The following ITPR1 variants were observed in gnomAD, a reference collection of about 807,000 sequenced individuals.
ITPR1 encodes the protein inositol 1,4,5-trisphosphate receptor type 1.
ITPR1 carries 96 observed loss-of-function variants against 318.4 expected under a neutral mutation model. That is an observed-to-expected ratio of 0.30 (90% CI 0.26 to 0.36). The LOEUF (loss-of-function observed/expected upper bound fraction) is 0.36, where lower values mean the gene tolerates loss of function less well. Among genes scored for constraint, ITPR1 ranks in the 10% least tolerant of loss-of-function variants. The pLI is 1.00. For missense variants in ITPR1, 2,440 were observed against 3,460.2 expected, an observed-to-expected ratio of 0.71 and a Z score of 7.40; for synonymous variants, 1,312 against 1,289.9, an observed-to-expected ratio of 1.02 and a Z score of -0.37.
At chr3:4,791,727 G>C (rs1056965310) in intron 52 of ITPR1, among the ~76,000 whole-genome samples, 30 of 152,194 alleles carry the variant, frequency 2.0e-4, no homozygotes, top group Non-Finnish European at 1.6e-4. Flanking sequence ...GCAATACCAA[G>C]CTGTTTGTGA....
chr3:4,833,091 C>G (rs1559977969), intron 60 of ITPR1, among the ~76,000 whole-genome samples: 1 of 152,208 alleles, frequency 6.6e-6, no homozygotes, highest in Non-Finnish European at 1.5e-5. Context: ...CCTCAGCGCT[C>G]AACCCCATGC....
chr3:4,766,787 A>G, intron 45 of ITPR1, 77 bp downstream of exon 45: 4 of 1,196,686 alleles, frequency 3.3e-6, no homozygotes, highest in Non-Finnish European at 4.6e-6. Flanking sequence ...TGTTTTCATT[A>G]CTTCTGTGCT....
intron 21 of ITPR1, among the ~76,000 whole-genome samples, 167 bp from the exon 22 acceptor site, chr3:4,674,035 C>T (rs987665351): frequency 1.3e-5 from 2 of 152,052 alleles, no homozygotes; most frequent in Non-Finnish European, 2.9e-5. Context: ...GCAAGATAAA[C>T]GACTCAAATA....
intron 37 of ITPR1, among the ~76,000 whole-genome samples, chr3:4,707,094 A>G (rs2094774151): frequency 6.6e-6 from 1 of 152,212 alleles, no homozygotes; most frequent in South Asian, 2.1e-4. Flanking sequence ...TGGGAAAGTT[A>G]CTTGACTTCT....
chr3:4,706,145 G>A (rs377674435), intron 36 of ITPR1, 22 bp from the exon 37 acceptor site: 39 of 1,613,666 alleles, frequency 2.4e-5, no homozygotes, highest in Non-Finnish European at 3.1e-5. Flanking sequence ...GTAGGCTCAC[G>A]ACTCATCTTT....
intron 4 of ITPR1, among the ~76,000 whole-genome samples, chr3:4,559,195 G>T (rs1194427602): frequency 6.6e-6 from 1 of 151,410 alleles, no homozygotes; most frequent in Admixed American, 6.6e-5. Context: ...ATACATTCAA[G>T]TCAGGTTCCA....
chr3:4,733,751 T>C (rs187111914), intron 43 of ITPR1, among the ~76,000 whole-genome samples: 1 of 152,314 alleles, frequency 6.6e-6, no homozygotes, highest in East Asian at 1.9e-4. Flanking sequence ...AATTTCAGCC[T>C]GGTATATCTA....
At chr3:4,804,821 G>A (rs907377436) in intron 54 of ITPR1, among the ~76,000 whole-genome samples, 6 of 152,138 alleles carry the variant, frequency 3.9e-5, no homozygotes, top group African/African-American at 9.7e-5. Context: ...TGTGGGTGTC[G>A]GCTTCCTCGC....
At chr3:4,831,361 G>C (rs987928031) in intron 60 of ITPR1, 1 of 254,734 alleles carries the variant, frequency 3.9e-6, no homozygotes, top group Admixed American at 4.6e-5. Context: ...CTCCGAGAGA[G>C]GAAGCACTTG....
chr3:4,498,831 G>A (rs566009462), intron 2 of ITPR1, among the ~76,000 whole-genome samples: 11 of 152,298 alleles, frequency 7.2e-5, no homozygotes, highest in South Asian at 2.1e-4. Context: ...GCCACCCTGC[G>A]TTGTATCCAG....
At chr3:4,845,436 A>G (rs182436674) in intron 61 of ITPR1, among the ~76,000 whole-genome samples, 233 of 152,316 alleles carry the variant, frequency 1.5e-3, no homozygotes, top group African/African-American at 5.3e-3. Flanking sequence ...CAGCAACCAA[A>G]TGAATAGAAT....
In ITPR1 at chr3:4,544,424, G is replaced by T. The variant is rs114356940; in HGVS notation, c.163+23330G>T. Among the ~76,000 whole-genome samples the T allele has an allele frequency of 6.2e-3, 952 of 152,322 alleles. 10 individuals are homozygous for T. The highest frequency in any genetic ancestry group is 0.041 in the Middle Eastern group (12 of 294). On this transcript the variant is annotated intron_variant, in intron 4 of 61. Transcript: ENST00000649015. ...CTCAAATGGATGCAAGCAACCATAC[G>T]TATTCACCTGATGCCAGTATTCACC... is the stretch of plus-strand genomic sequence containing the variant.
chr3:4,728,034 G>GA (rs201882391), intron 42 of ITPR1, among the ~76,000 whole-genome samples: 2,303 of 152,286 alleles, frequency 0.015, 18 homozygotes, highest in Middle Eastern at 0.065. Context: ...CATTTGTTTT[G>GA]AAAATCTTTG....
chr3:4,757,766 G>A (rs11712971), intron 44 of ITPR1, among the ~76,000 whole-genome samples: 21,759 of 152,242 alleles, frequency 0.14, 2,039 homozygotes, highest in Non-Finnish European at 0.2. Context: ...AATCGGAAAC[G>A]TTCAGTTGCC....
In ITPR1 at chr3:4,510,357, A is replaced by G. The variant is rs541064939; in HGVS notation, c.-16-6119A>G. Among the ~76,000 whole-genome samples, 4 of 152,336 alleles carry G rather than the reference A, an allele frequency of 2.6e-5. No individual in the cohort carries two copies. The Middle Eastern group carries it at 0.01, about 389-fold the overall frequency. On this transcript the variant is annotated intron_variant, in intron 2 of 61. Coordinates refer to ENST00000649015, the MANE Select transcript of ITPR1 (RefSeq NM_001378452.1). The stretch of plus-strand genomic sequence containing the variant: ...TGATATGGTCTGATTTATGTTTCTA[A>G]AATATCATGCTGGATGTTGTATGCC...
chr3:4,784,128 G>A (rs2047010902), intron 51 of ITPR1, among the ~76,000 whole-genome samples: 1 of 152,124 alleles, frequency 6.6e-6, no homozygotes, highest in Non-Finnish European at 1.5e-5. Flanking sequence ...AGGACACTGA[G>A]CAACCTCTCA....
intron 4 of ITPR1, among the ~76,000 whole-genome samples, chr3:4,590,255 CTCTTTAT>C (rs1418058888): frequency 7.4e-6 from 1 of 135,884 alleles, no homozygotes; most frequent in Non-Finnish European, 1.5e-5. Context: ...TACTTATTTG[CTCTTTAT>C]CTTTCTCTGT....
intron 4 of ITPR1, among the ~76,000 whole-genome samples, chr3:4,590,568 TATA>T (rs975063892): frequency 7.3e-5 from 11 of 150,096 alleles, no homozygotes; most frequent in Non-Finnish European, 1.5e-4. Flanking sequence ...TTTTATTAAT[TATA>T]ATAATAATTA....
At chr3:4,689,422 G>T (rs78537246) in intron 31 of ITPR1, among the ~76,000 whole-genome samples, 3,111 of 152,290 alleles carry the variant, frequency 0.02, 108 homozygotes, top group African/African-American at 0.071. Flanking sequence ...AAATCTGAAA[G>T]ACTCCAAAAT....
Sources: gnomAD v4.1 joint callset for allele counts (sites outside exome capture counted in the v4.1 genomes callset) on GRCh38, gnomAD v4.1.1 for gene constraint, MANE v1.5 for transcripts, NCBI Gene and HGNC (gene_info 2026-07-23, HGNC 2026-07-21) for gene names.